Variants in UCP1 observed in about 807,000 individuals in gnomAD.
The protein encoded by UCP1 is mitochondrial brown fat uncoupling protein 1.
A neutral mutation model predicts 26.2 loss-of-function variants in UCP1; 24 were observed. The observed-to-expected ratio is 0.92, with a 90% CI of 0.66 to 1.29. The LOEUF is 1.29. Among genes scored for constraint, UCP1 ranks in the 50% most tolerant of loss-of-function variants. The pLI is 0.00. For missense variants in UCP1, 402 were observed against 388.7 expected, an observed-to-expected ratio of 1.03 and a Z score of -0.29; for synonymous variants, 164 against 156.8, an observed-to-expected ratio of 1.05 and a Z score of -0.34.
At position 140,563,161 on chromosome 4, in the gene UCP1, C is replaced by G; in HGVS notation, c.577G>C (p.Val193Leu). ...GCCTCCTTCATTAGATCATATGTTA[C>G]TAGCTCTGTACAATTGATGATGACA... is the stretch of plus-strand genomic sequence containing the variant. ...RSVIINCTEL[V>L]TYDLMKEAFV... The change falls in exon 4 of 6, where the codon GTA becomes CTA. Residue 193 changes from valine (V) to leucine (L), a missense_variant. Transcript: ENST00000262999. 1 of 1,613,686 alleles carries G rather than the reference C, an allele frequency of 6.2e-7. No individual in the cohort carries two copies. The highest frequency in any genetic ancestry group is 1.1e-5 in the South Asian group (1 of 91,070).
At chr4:140,566,726 C>T (rs1735807075) in intron 2 of UCP1, among the ~76,000 whole-genome samples, 1 of 152,194 alleles carries the variant, frequency 6.6e-6, no homozygotes, top group Admixed American at 6.5e-5. Context: ...CACATCTTCT[C>T]TCTGGCTTGT....
intron 5 of UCP1, among the ~76,000 whole-genome samples, chr4:140,561,201 T>C (rs1376553940): frequency 1.3e-5 from 2 of 152,250 alleles, no homozygotes; most frequent in Admixed American, 6.5e-5. Context: ...TGGAACTTTT[T>C]ATAAAATGTG....
In UCP1 at chr4:140,562,178, A is replaced by G; in HGVS notation, c.809+15T>C. 6.2e-7 allele frequency: 1 copy of G among 1,614,086 alleles called. No individual in the cohort carries two copies. The highest frequency in any genetic ancestry group is 8.5e-7 in the Non-Finnish European group (1 of 1,179,944). The stretch of plus-strand genomic sequence containing the variant: ...CAGCCAGAACACATTACAGATACAC[A>G]AGATCATATCTTACCCCTTGAAGAA... On this transcript the variant is annotated intron_variant, in intron 5 of 5. Transcript: ENST00000262999.
chr4:140,567,021 A>G (rs1181425503), intron 2 of UCP1, among the ~76,000 whole-genome samples: 1 of 152,222 alleles, frequency 6.6e-6, no homozygotes, highest in Non-Finnish European at 1.5e-5. Context: ...CCCATCTGCC[A>G]AGGGATAATG....
chr4:140,560,693 C>G (rs953583607), intron 5 of UCP1, among the ~76,000 whole-genome samples: 1 of 151,314 alleles, frequency 6.6e-6, no homozygotes, highest in Non-Finnish European at 1.5e-5. Context: ...CAATTTTTTT[C>G]CTTCAAGTCT....
chr4:140,568,480 G>A, intron 1 of UCP1, 124 bp downstream of exon 1: 1 of 1,506,536 alleles, frequency 6.6e-7, no homozygotes, highest in East Asian at 2.4e-5. Flanking sequence ...AGGCCAGACT[G>A]CTTTGGAAGG....
Position 140,563,218 on chromosome 4 carries a change from A to T in UCP1, c.527-7T>A. ...ATCAGATTGGGAGTAGTCCCTGGGGAAAAAAAAAAAGAAAATGTTTATTAA... is the reference window on the plus strand; with the variant it reads ...ATCAGATTGGGAGTAGTCCCTGGGGTAAAAAAAAAAGAAAATGTTTATTAA... On this transcript the variant is annotated splice_polypyrimidine_tract_variant and splice_region_variant and intron_variant, in intron 3 of 5. Transcript: ENST00000262999. 1 of 1,036,042 alleles carries T rather than the reference A, an allele frequency of 9.7e-7. No individual in the cohort carries two copies. 64.2% of individuals were successfully genotyped at this position (1,036,042 alleles called of 1,614,324 possible).
chr4:140,567,755 C>A lies in UCP1; in HGVS notation c.325+24G>T, dbSNP rs767705485. On this transcript the variant is annotated intron_variant, in intron 2 of 5. Coordinates refer to ENST00000262999, the MANE Select transcript of UCP1 (RefSeq NM_021833.5). ...AGCGGAGCCCAAGGCTTTTCTGCCC[C>A]TCCCAGGAACGCTCACGGCTTACTT... 5 of 1,613,374 alleles carry A rather than the reference C, an allele frequency of 3.1e-6. No homozygotes were observed. In the South Asian group the frequency reaches 5.5e-5, roughly 18 times the overall value.
intron 5 of UCP1, among the ~76,000 whole-genome samples, chr4:140,560,675 CT>C (rs1735656686): frequency 6.6e-6 from 1 of 152,002 alleles, no homozygotes; most frequent in African/African-American, 2.4e-5. Flanking sequence ...AAAAACACCC[CT>C]CTGCCCCAAT....
intron 1 of UCP1, 69 bp from the exon 2 acceptor site, chr4:140,568,046 C>G: frequency 6.5e-7 from 1 of 1,542,054 alleles, no homozygotes; most frequent in Non-Finnish European, 8.9e-7. Context: ...AGATTTCCCC[C>G]TGTGTTCCTA....
Position 140,567,801 on chromosome 4 carries a change from C to T in UCP1, c.303G>A (p.Glu101=), listed in dbSNP as rs374742794. ...TACTTTCTTTCCCTGCGGTGAGGAA[C>T]TCCTGGACCGTGTCGTAGAGGCCGA... ...LRIGLYDTVQ[E]FLTAGKETAP... is the part of the protein sequence containing the mutation. The change falls in exon 2 of 6, where the codon GAG becomes GAA. Residue 101 remains glutamate (E), a synonymous_variant. Coordinates refer to ENST00000262999, the MANE Select transcript of UCP1 (RefSeq NM_021833.5). 3.1e-6 allele frequency: 5 copies of T among 1,614,020 alleles called. No homozygotes were observed. Among genetic ancestry groups the T allele is most frequent in the Non-Finnish European group, 4.2e-6 (5 of 1,180,018 alleles).
At chr4:140,560,138 G>T (rs938511420) in intron 5 of UCP1, 128 bp from the exon 6 acceptor site, 2 of 758,882 alleles carry the variant, frequency 2.6e-6, no homozygotes, top group Admixed American at 2.1e-5. Flanking sequence ...CTGCAACCTC[G>T]AGCTCCTGGG....
At chr4:140,561,729 G>A (rs904531382) in intron 5 of UCP1, among the ~76,000 whole-genome samples, 1 of 152,190 alleles carries the variant, frequency 6.6e-6, no homozygotes, top group Non-Finnish European at 1.5e-5. Flanking sequence ...TTCTAGGTGA[G>A]TGTAATAATT....
chr4:140,562,436 G>C, intron 4 of UCP1, 63 bp from the exon 5 acceptor site: 1 of 1,540,650 alleles, frequency 6.5e-7, no homozygotes, highest in Non-Finnish European at 8.9e-7. Context: ...TTAGTTATCT[G>C]TCATATCTTT....
chr4:140,560,110 T>A, intron 5 of UCP1, 100 bp from the exon 6 acceptor site: 1 of 996,374 alleles, frequency 1.0e-6, no homozygotes, highest in Non-Finnish European at 1.5e-6. Flanking sequence ...TGGAATGCAG[T>A]AGTGTAATCA....
In UCP1 at chr4:140,567,824, C is replaced by G. The variant is rs1252461372; in HGVS notation, c.280G>C (p.Gly94Arg). 4 of 1,614,096 alleles carry G rather than the reference C, an allele frequency of 2.5e-6. No individual in the cohort carries two copies. Among genetic ancestry groups the G allele is most frequent in the African/African-American group, 1.3e-5 (1 of 75,016 alleles). ...AACTCCTGGACCGTGTCGTAGAGGC[C>G]GATCCTGAGAGAGGCGGAGCTGATT... ...RQISSASLRI[G>R]LYDTVQEFLT... The change falls in exon 2 of 6, where the codon GGC (glycine) becomes CGC (arginine). Residue 94 changes from glycine to arginine, a missense_variant. By Grantham distance (125) the Gly-to-Arg change is moderately radical (BLOSUM62 -2). Coordinates refer to ENST00000262999, the MANE Select transcript of UCP1 (RefSeq NM_021833.5).
In UCP1 at chr4:140,563,415, TG is replaced by T; in HGVS notation, c.428del (p.Ala143AspfsTer21). 1 of 1,614,156 alleles carries T rather than the reference TG, an allele frequency of 6.2e-7. No homozygotes were observed. The highest frequency in any genetic ancestry group is 8.5e-7 in the Non-Finnish European group (1 of 1,180,028). On this transcript the variant is annotated frameshift_variant, in exon 3 of 6. Coordinates refer to ENST00000262999, the MANE Select transcript of UCP1 (RefSeq NM_021833.5). LOFTEE classifies it high-confidence loss of function. ...PTEVVKVRLQ[A>X]QSHLHGIKPR... ...GTTTGATTCCGTGGAGATGGCTCTGTGCTTGAAGTCTGACTTTCACGACCTC... is the reference window on the plus strand; with the variant it reads ...GTTTGATTCCGTGGAGATGGCTCTGTCTTGAAGTCTGACTTTCACGACCTC...
chr4:140,565,968 TA>T (rs1210675721), intron 2 of UCP1, among the ~76,000 whole-genome samples: 1 of 152,230 alleles, frequency 6.6e-6, no homozygotes, highest in African/African-American at 2.4e-5. Flanking sequence ...TTACCTTTTC[TA>T]TTTTTAGGTA....
chr4:140,568,923 C>T lies in UCP1; in HGVS notation c.-194G>A. 1.3e-6 allele frequency: 1 copy of T among 747,132 alleles called. No homozygotes were observed. The highest frequency in any genetic ancestry group is 2.1e-6 in the Non-Finnish European group (1 of 467,402). 46.3% of individuals were successfully genotyped at this position (747,132 alleles called of 1,614,324 possible). On this transcript the variant is annotated 5_prime_UTR_variant, in exon 1 of 6. Coordinates refer to ENST00000262999, the MANE Select transcript of UCP1 (RefSeq NM_021833.5). ...CGCGGTGTTGGGGGCCGAGTCCCCG[C>T]GTCCCCTCCTACCCACCCTCGCGCC...
Sources: gnomAD v4.1 joint callset for allele counts (sites outside exome capture counted in the v4.1 genomes callset) on GRCh38, gnomAD v4.1.1 for gene constraint, MANE v1.5 for transcripts, NCBI Gene and HGNC (gene_info 2026-07-23, HGNC 2026-07-21) for gene names.